TEAD1: variants seen among roughly 807,000 people sequenced by gnomAD.
TEAD1 encodes the protein transcriptional enhancer factor TEF-1.
TEAD1 carries 9 observed loss-of-function variants against 54.9 expected under a neutral mutation model. The observed-to-expected ratio is 0.16, with a 90% CI of 0.10 to 0.29. The LOEUF is 0.29. Among genes scored for constraint, TEAD1 ranks in the 10% least tolerant of loss-of-function variants. The probability of loss-of-function intolerance (pLI) is 1.00; values close to 1 mark genes in which losing one functional copy is unlikely to be tolerated. For synonymous variants in TEAD1, 200 were observed against 187.8 expected (o/e 1.07, Z -0.53); for missense variants, 387 against 535.9 (o/e 0.72, Z 2.74).
intron 2 of TEAD1, among the ~76,000 whole-genome samples, chr11:12,757,212 G>C (rs1945000846): frequency 6.6e-6 from 1 of 152,190 alleles, no homozygotes; most frequent in South Asian, 2.1e-4. Context: ...TTGCTCACCT[G>C]CTCACTCAAG....
chr11:12,709,613 T>C (rs1215495539), intron 2 of TEAD1, among the ~76,000 whole-genome samples: 3 of 152,150 alleles, frequency 2.0e-5, no homozygotes, highest in Admixed American at 2.0e-4. Flanking sequence ...CTTGAACTCA[T>C]AGGCTCAAGT....
At chr11:12,914,841 GCAGGCCTGGACGGCTGCCCGCCA>G (rs941341768) in intron 10 of TEAD1, among the ~76,000 whole-genome samples, 155 of 152,362 alleles carry the variant, frequency 1.0e-3, no homozygotes, top group Non-Finnish European at 1.9e-3. Flanking sequence ...TTACCATGTG[GCAGGCCTGGACGGCTGCCCGCCA>G]CAGGGCCCAG....
At chr11:12,724,438 G>A (rs909809543) in intron 2 of TEAD1, among the ~76,000 whole-genome samples, 2 of 152,232 alleles carry the variant, frequency 1.3e-5, no homozygotes, top group African/African-American at 4.8e-5. Context: ...GTCTGTGGAG[G>A]CGTATGCCAG....
rs115594217 is a variant in TEAD1 at position 12,727,437 on chromosome 11, A to C, written c.-54-36742A>C. On this transcript the variant is annotated intron_variant, in intron 2 of 12. Transcript: ENST00000527636. ...CTGTGGTAGGCGCTTCGCATCTCTG[A>C]ACCTTGCTGCCCTGTTTCTGACATC... Among the ~76,000 whole-genome samples the C allele has an allele frequency of 7.8e-3, 1,193 of 152,200 alleles. 20 individuals are homozygous for C. The highest frequency in any genetic ancestry group is 0.027 in the African/African-American group (1,140 of 41,504).
At chr11:12,789,242 A>C (rs1945746790) in intron 3 of TEAD1, among the ~76,000 whole-genome samples, 1 of 152,188 alleles carries the variant, frequency 6.6e-6, no homozygotes, top group Non-Finnish European at 1.5e-5. Context: ...TACCCCGAGG[A>C]CTGGTTGTGC....
At chr11:12,741,137 C>T (rs573721854) in intron 2 of TEAD1, among the ~76,000 whole-genome samples, 27 of 151,882 alleles carry the variant, frequency 1.8e-4, no homozygotes, top group Middle Eastern at 6.8e-3. Context: ...TGTAATTTTG[C>T]TTTGCTTTTA....
In TEAD1 at chr11:12,720,523, A is replaced by G. The variant is rs78273835; in HGVS notation, c.-54-43656A>G. On this transcript the variant is annotated intron_variant, in intron 2 of 12. Transcript: ENST00000527636. ...ATTATTTAATTATCAGAACAACTCT[A>G]TGAGGTGAGCATTATTACTCCCCTG... is the stretch of plus-strand genomic sequence containing the variant. Among the ~76,000 whole-genome samples, 1,286 of 152,300 alleles carry G rather than the reference A, an allele frequency of 8.4e-3. 21 individuals carry two copies. The highest frequency in any genetic ancestry group is 0.028 in the African/African-American group (1,183 of 41,558).
intron 8 of TEAD1, among the ~76,000 whole-genome samples, chr11:12,882,311 C>T (rs565084228): frequency 1.3e-5 from 2 of 152,102 alleles, no homozygotes; most frequent in Non-Finnish European, 2.9e-5. Flanking sequence ...TTTCATTCAC[C>T]CTTTCTTAGA....
At chr11:12,803,115 G>T (rs879450046) in intron 3 of TEAD1, among the ~76,000 whole-genome samples, 1,777 of 137,332 alleles carry the variant, frequency 0.013, 15 homozygotes, top group Middle Eastern at 0.02. Context: ...TTTTTTTTTT[G>T]TTTTGCCATA....
At chr11:12,776,757 TTTATTATTATTATTATTA>T (rs71037087) in intron 3 of TEAD1, among the ~76,000 whole-genome samples, 50 of 137,718 alleles carry the variant, frequency 3.6e-4, no homozygotes, top group African/African-American at 1.2e-3. Flanking sequence ...CATTTGGATA[TTTATTATTATTATTATTA>T]TTATTATTAT....
chr11:12,908,867 A>G (rs532020303), intron 10 of TEAD1, among the ~76,000 whole-genome samples: 11 of 119,560 alleles, frequency 9.2e-5, no homozygotes, highest in Non-Finnish European at 1.7e-4. Context: ...ATATGTCAGT[A>G]TACTTCAAAT....
chr11:12,834,055 A>T (rs931746231), intron 3 of TEAD1, among the ~76,000 whole-genome samples: 1 of 152,202 alleles, frequency 6.6e-6, no homozygotes, highest in Admixed American at 6.5e-5. Flanking sequence ...TAAGATTTGA[A>T]TCCGAGAGAG....
chr11:12,764,020 C>T (rs1945153551), intron 2 of TEAD1, among the ~76,000 whole-genome samples, 159 bp from the exon 3 acceptor site: 1 of 152,138 alleles, frequency 6.6e-6, no homozygotes, highest in African/African-American at 2.4e-5. Flanking sequence ...CACTAAAGAA[C>T]TTAACCGTGT....
At chr11:12,796,501 G>A (rs567930606) in intron 3 of TEAD1, among the ~76,000 whole-genome samples, 7 of 152,032 alleles carry the variant, frequency 4.6e-5, no homozygotes, top group African/African-American at 9.6e-5. Context: ...TGAGGCGGGC[G>A]GATCACTTGA....
At chr11:12,904,771 C>A in intron 10 of TEAD1, 1 of 243,888 alleles carries the variant, frequency 4.1e-6, no homozygotes, top group South Asian at 4.9e-5. Flanking sequence ...ATAGATATAA[C>A]CTGTAGTAAG....
At chr11:12,913,906 C>T (rs1948663245) in intron 10 of TEAD1, among the ~76,000 whole-genome samples, 1 of 152,152 alleles carries the variant, frequency 6.6e-6, no homozygotes, top group Non-Finnish European at 1.5e-5. Flanking sequence ...GTCCTGTTTC[C>T]TGGGAAAGGT....
intron 3 of TEAD1, among the ~76,000 whole-genome samples, chr11:12,788,306 A>G (rs1375459575): frequency 6.6e-6 from 1 of 151,796 alleles, no homozygotes; most frequent in Non-Finnish European, 1.5e-5. Context: ...CTAATTTTGT[A>G]TTTTTAGTAG....
Position 12,758,410 on chromosome 11 carries a change from T to G in TEAD1, c.-54-5769T>G, listed in dbSNP as rs911461468. 3.5e-5 allele frequency among the ~76,000 whole-genome samples: 5 copies of G among 141,848 alleles called. No individual in the cohort carries two copies. The East Asian group carries it at 1.0e-3, about 29-fold the overall frequency. 93.1% of individuals were successfully genotyped at this position (141,848 alleles called of 152,430 possible). ...CCTGTCATCACGCCCAGCTAGTTTTTTTTTTTTTTTTTTTTTTTGAGGTGG... is the reference window on the plus strand; with the variant it reads ...CCTGTCATCACGCCCAGCTAGTTTTGTTTTTTTTTTTTTTTTTTGAGGTGG... On this transcript the variant is annotated intron_variant, in intron 2 of 12. Transcript: ENST00000527636.
At chr11:12,831,180 T>C (rs1946772474) in intron 3 of TEAD1, among the ~76,000 whole-genome samples, 1 of 152,214 alleles carries the variant, frequency 6.6e-6, no homozygotes, top group African/African-American at 2.4e-5. Context: ...GAAGCCTTCC[T>C]TGTCTGGTTT....
Sources: allele counts gnomAD v4.1 joint callset (sites outside exome capture counted in the v4.1 genomes callset), GRCh38; gene constraint gnomAD v4.1.1; transcripts MANE v1.5; gene names NCBI Gene and HGNC (gene_info 2026-07-23, HGNC 2026-07-21).